The following UNC5D variants were observed in gnomAD, a reference collection of about 807,000 sequenced individuals.
The protein encoded by UNC5D is unc-5 netrin receptor D.
In UNC5D, 39 loss-of-function variants were observed where a neutral mutation model predicts 105.4. The observed-to-expected ratio is 0.37, with a 90% CI of 0.29 to 0.48. The LOEUF (loss-of-function observed/expected upper bound fraction) is 0.48. Ranked by LOEUF, UNC5D falls within the 20% of genes least tolerant of loss-of-function variation. The pLI is 0.98. For missense variants in UNC5D, 991 were observed against 1,202.4 expected (o/e 0.82, Z 2.60); for synonymous variants, 452 against 450.4 (o/e 1.00, Z -0.04).
intron 1 of UNC5D, among the ~76,000 whole-genome samples, chr8:35,513,484 C>T (rs1478957968): frequency 6.6e-6 from 1 of 152,116 alleles, no homozygotes; most frequent in Non-Finnish European, 1.5e-5. Flanking sequence ...CTGCCTCTGC[C>T]TCCCAAGGTG....
At chr8:35,695,058 C>T (rs1490879351) in intron 7 of UNC5D, among the ~76,000 whole-genome samples, 1 of 152,068 alleles carries the variant, frequency 6.6e-6, no homozygotes, top group Admixed American at 6.6e-5. Flanking sequence ...CTATAGAAGA[C>T]ATTATTTATA....
intron 1 of UNC5D, among the ~76,000 whole-genome samples, chr8:35,511,813 G>A (rs1230244968): frequency 6.6e-6 from 1 of 152,132 alleles, no homozygotes; most frequent in Non-Finnish European, 1.5e-5. Flanking sequence ...AGCCGTCCTG[G>A]GCTGCATGTA....
intron 1 of UNC5D, among the ~76,000 whole-genome samples, chr8:35,473,588 G>A (rs887438899): frequency 1.3e-5 from 2 of 152,160 alleles, no homozygotes; most frequent in African/African-American, 2.4e-5. Context: ...ATTATGTGAA[G>A]CACATCTAAT....
chr8:35,644,886 C>G (rs911271266), intron 4 of UNC5D, among the ~76,000 whole-genome samples: 1 of 152,052 alleles, frequency 6.6e-6, no homozygotes, highest in African/African-American at 2.4e-5. Flanking sequence ...AAAAGTGAGA[C>G]TTGGAGCACT....
Position 35,705,950 on chromosome 8 carries a change from T to A in UNC5D, c.1106T>A (p.Ile369Lys). Residue 369 changes from isoleucine to lysine, a missense_variant, in exon 8 of 17, where the codon ATA (isoleucine) becomes AAA (lysine). By Grantham distance (102) the Ile-to-Lys change is moderately radical (BLOSUM62 -3). Around this residue, in one of 3 missense-constraint regions of UNC5D, gnomAD observed 944 missense variants for 1,131.6 expected, o/e 0.83. Coordinates refer to ENST00000404895, the MANE Select transcript of UNC5D (RefSeq NM_080872.4). The stretch of plus-strand genomic sequence containing the variant: ...TTAGATAAAAAACCTCTTCATGAAA[T>A]AAAACCCCAAAGTAAGTTATTTTTC... ...CILDKKPLHE[I>K]KPQSIENASD... 7.6e-7 allele frequency: 1 copy of A among 1,316,382 alleles called. No individual in the cohort carries two copies. The allele number at this position is 1,316,382 out of a possible 1,614,324, so 81.5% of individuals were successfully genotyped here.
At chr8:35,246,069 G>T (rs374447351) in intron 1 of UNC5D, among the ~76,000 whole-genome samples, 11 of 152,036 alleles carry the variant, frequency 7.2e-5, no homozygotes, top group African/African-American at 1.2e-4. Context: ...TAAGCAATGT[G>T]GGGGGCTAGA....
At chr8:35,306,965 C>T (rs966691682) in intron 1 of UNC5D, among the ~76,000 whole-genome samples, 5 of 152,020 alleles carry the variant, frequency 3.3e-5, no homozygotes, top group African/African-American at 9.7e-5. Context: ...TCTCAAATTT[C>T]GTCAGCACAA....
At chr8:35,634,712 G>T (rs1822248511) in intron 4 of UNC5D, among the ~76,000 whole-genome samples, 2 of 151,822 alleles carry the variant, frequency 1.3e-5, no homozygotes, top group African/African-American at 4.8e-5. Flanking sequence ...GGTAAATAAG[G>T]AAATAGTTCT....
intron 1 of UNC5D, among the ~76,000 whole-genome samples, chr8:35,298,995 C>T (rs1178489628): frequency 6.6e-6 from 1 of 152,130 alleles, no homozygotes. Flanking sequence ...GCTTCAAAGA[C>T]AATGTCTCCA....
chr8:35,583,995 G>T (rs1818622228), intron 3 of UNC5D, among the ~76,000 whole-genome samples: 1 of 152,104 alleles, frequency 6.6e-6, no homozygotes. Context: ...TCATTCTGGT[G>T]CCACATGTGC....
At chr8:35,411,757 A>G (rs546208699) in intron 1 of UNC5D, among the ~76,000 whole-genome samples, 1 of 152,128 alleles carries the variant, frequency 6.6e-6, no homozygotes, top group East Asian at 1.9e-4. Flanking sequence ...CTTACCCCCT[A>G]GAATAGAATC....
At chr8:35,538,395 T>TTTTATATATATATA (rs1491227026) in intron 1 of UNC5D, among the ~76,000 whole-genome samples, 1 of 82,446 alleles carries the variant, frequency 1.2e-5, no homozygotes, top group African/African-American at 4.0e-5. Flanking sequence ...AAAAAAATAA[T>TTTTATATATATATA]TATATATATA....
At position 35,420,538 on chromosome 8, in the gene UNC5D, G is replaced by A. The variant is rs376204860; in HGVS notation, c.104-128754G>A. On this transcript the variant is annotated intron_variant, in intron 1 of 16. Transcript: ENST00000404895. ...AAAGTGCTTGTTACCTCTATTAATT[G>A]GAATACAATTAGTCTGAAGTCTGTG... 6.8e-4 allele frequency among the ~76,000 whole-genome samples: 103 copies of A among 152,196 alleles called. 1 individual carries two copies. The South Asian group carries it at 0.01, about 15-fold the overall frequency.
chr8:35,262,313 T>C (rs2128822959), intron 1 of UNC5D, among the ~76,000 whole-genome samples: 1 of 152,344 alleles, frequency 6.6e-6, no homozygotes, highest in South Asian at 2.1e-4. Context: ...TTGACTAATG[T>C]CTTGGAAACT....
intron 16 of UNC5D, among the ~76,000 whole-genome samples, chr8:35,789,890 AAGAAAACAC>A (rs1802950843): frequency 7.1e-6 from 1 of 141,748 alleles, no homozygotes; most frequent in African/African-American, 3.0e-5. Flanking sequence ...GATAGTCAAG[AAGAAAACAC>A]ACACACACAC....
intron 1 of UNC5D, among the ~76,000 whole-genome samples, chr8:35,351,514 T>C (rs754408716): frequency 5.9e-5 from 9 of 152,146 alleles, no homozygotes; most frequent in African/African-American, 7.2e-5. Flanking sequence ...GTATCTTCCA[T>C]GCTTCTGAAT....
At chr8:35,476,950 C>G (rs2129919267) in intron 1 of UNC5D, among the ~76,000 whole-genome samples, 1 of 152,274 alleles carries the variant, frequency 6.6e-6, no homozygotes, top group African/African-American at 2.4e-5. Context: ...TGCTCCTAGA[C>G]TTAGGTTCTT....
chr8:35,609,487 G>A (rs1820537694), intron 4 of UNC5D, among the ~76,000 whole-genome samples: 1 of 152,140 alleles, frequency 6.6e-6, no homozygotes, highest in Admixed American at 6.6e-5. Flanking sequence ...TCTAAAGTTG[G>A]AGAAGGAACG....
chr8:35,424,880 T>C (rs777349271), intron 1 of UNC5D, among the ~76,000 whole-genome samples: 2 of 152,214 alleles, frequency 1.3e-5, no homozygotes, highest in Non-Finnish European at 2.9e-5. Context: ...GACACCTAGG[T>C]GGTGTGTTCT....
Sources: gnomAD v4.1 joint callset for allele counts (sites outside exome capture counted in the v4.1 genomes callset) on GRCh38, gnomAD v4.1.1 for gene constraint, gnomAD v4.1.1 regional missense constraint, MANE v1.5 for transcripts, NCBI Gene and HGNC (gene_info 2026-07-23, HGNC 2026-07-21) for gene names.